INSC: variants seen among roughly 807,000 people sequenced by gnomAD.
INSC encodes INSC spindle orientation adaptor protein, also known as protein inscuteable homolog.
A neutral mutation model predicts 58.6 loss-of-function variants in INSC; 67 were observed. The ratio of observed to expected loss-of-function variants is 1.14; its 90% CI spans 0.94 to 1.40. The LOEUF (loss-of-function observed/expected upper bound fraction) is 1.40, where lower values mean the gene tolerates loss of function less well. Ranked by LOEUF, INSC falls within the 40% of genes most tolerant of loss-of-function variation. INSC has a pLI of 0.00. For missense variants in INSC, 714 were observed against 692.0 expected (o/e 1.03, Z -0.36); for synonymous variants, 262 against 276.1 (o/e 0.95, Z 0.51).
intron 7 of INSC, among the ~76,000 whole-genome samples, chr11:15,201,906 A>C (rs1011892329): frequency 3.3e-5 from 5 of 152,112 alleles, no homozygotes; most frequent in Non-Finnish European, 1.5e-5. Flanking sequence ...TGGCAGCCCA[A>C]ATAACTCCAC....
upstream of INSC, among the ~76,000 whole-genome samples, chr11:15,113,119 C>CTTTCTT (rs1554899333): frequency 6.8e-4 from 50 of 73,290 alleles, 1 homozygote; most frequent in Admixed American, 3.3e-3. Context: ...TTCTCTCTCT[C>CTTTCTT]TCTTTCTTTC....
Position 15,235,083 on chromosome 11 carries a change from C to A in INSC, c.1171-519C>A, listed in dbSNP as rs190202197. On this transcript the variant is annotated intron_variant, in intron 9 of 12. Coordinates refer to ENST00000379556, the MANE Select transcript of INSC (RefSeq NM_001042536.3). Reference sequence around the variant, plus strand: ...CCATGTAATACCCAATGCTTGATAACGCTGCCTCTTCCTACTCATGCCCTC... The same window carrying A: ...CCATGTAATACCCAATGCTTGATAAAGCTGCCTCTTCCTACTCATGCCCTC... The A allele has an allele frequency of 2.7e-3, 489 of 181,756 alleles. 10 individuals are homozygous for A. The highest frequency in any genetic ancestry group is 0.023 in the Admixed American group (433 of 18,844). 11.3% of individuals were successfully genotyped at this position (181,756 alleles called of 1,614,324 possible).
chr11:15,167,520 G>T (rs999437355), intron 2 of INSC, among the ~76,000 whole-genome samples: 3 of 151,926 alleles, frequency 2.0e-5, no homozygotes, highest in Non-Finnish European at 4.4e-5. Context: ...TAGTGCAGTG[G>T]CACCATAATA....
At chr11:15,177,252 GA>G (rs1849605421) in intron 4 of INSC, 89 bp downstream of exon 4, 4 of 964,726 alleles carry the variant, frequency 4.1e-6, no homozygotes, top group Admixed American at 1.8e-5. Flanking sequence ...GGGAGAATGG[GA>G]ATGGGAGGCG....
At chr11:15,127,151 T>G (rs1362790775) in intron 1 of INSC, among the ~76,000 whole-genome samples, 1 of 152,130 alleles carries the variant, frequency 6.6e-6, no homozygotes, top group Non-Finnish European at 1.5e-5. Context: ...ACAGGGAGAT[T>G]AACAGCCTCA....
Position 15,127,786 on chromosome 11 carries a change from A to G in INSC, c.-46+12783A>G, listed in dbSNP as rs576716368. 3.3e-5 allele frequency among the ~76,000 whole-genome samples: 5 copies of G among 152,220 alleles called. No individual in the cohort carries two copies. The East Asian group carries it at 9.7e-4, about 29-fold the overall frequency. On this transcript the variant is annotated intron_variant, in intron 1 of 12. Coordinates refer to ENST00000379556, the MANE Select transcript of INSC (RefSeq NM_001042536.3). Reference sequence around the variant, plus strand: ...TGGATGGGTGAAATTCTAGAGGGAGACTAGAGAGAACTTGAGTTCACAACA... The same window carrying G: ...TGGATGGGTGAAATTCTAGAGGGAGGCTAGAGAGAACTTGAGTTCACAACA...
At chr11:15,196,856 C>G (rs1564897493) in intron 6 of INSC, among the ~76,000 whole-genome samples, 2 of 152,200 alleles carry the variant, frequency 1.3e-5, no homozygotes, top group Non-Finnish European at 2.9e-5. Flanking sequence ...AAGTCCAAAG[C>G]TAGTAAGGGA....
At chr11:15,242,934 T>C (rs1852413661) in intron 12 of INSC, among the ~76,000 whole-genome samples, 1 of 152,210 alleles carries the variant, frequency 6.6e-6, no homozygotes, top group Non-Finnish European at 1.5e-5. Flanking sequence ...ACCATCTTGT[T>C]CCAAGCCATG....
At chr11:15,209,905 A>T (rs1281228933) in intron 7 of INSC, among the ~76,000 whole-genome samples, 3 of 152,136 alleles carry the variant, frequency 2.0e-5, no homozygotes, top group Admixed American at 6.5e-5. Context: ...GGGAGTATAA[A>T]CATCATAGGG....
At chr11:15,120,385 G>C (rs1483067004) in intron 1 of INSC, among the ~76,000 whole-genome samples, 3 of 152,144 alleles carry the variant, frequency 2.0e-5, no homozygotes, top group Non-Finnish European at 4.4e-5. Flanking sequence ...ATCAAATCAG[G>C]TACTAGAGGC....
At chr11:15,220,231 G>A (rs754341706) in intron 7 of INSC, among the ~76,000 whole-genome samples, 1 of 152,216 alleles carries the variant, frequency 6.6e-6, no homozygotes. Context: ...CAGGTCTGTG[G>A]CAGGTGTAGG....
chr11:15,255,330 T>C, the INSC span, among the ~76,000 whole-genome samples: 1 of 152,190 alleles, frequency 6.6e-6, no homozygotes, highest in South Asian at 2.1e-4. Flanking sequence ...CAGTCATAGA[T>C]ATGAAAATTA....
rs78454535 is a variant in INSC at position 15,128,265 on chromosome 11, A to G, written c.-46+13262A>G. ...GCTGATTTTTCACTTTGCCTGAATT[A>G]TATCTTTCACTCCTTTGGTCTTTTA... On this transcript the variant is annotated intron_variant, in intron 1 of 12. Coordinates refer to ENST00000379556, the MANE Select transcript of INSC (RefSeq NM_001042536.3). Among the ~76,000 whole-genome samples, 948 of 152,284 alleles carry G rather than the reference A, an allele frequency of 6.2e-3. 10 individuals carry two copies. The highest frequency in any genetic ancestry group is 0.021 in the African/African-American group (881 of 41,542).
intron 2 of INSC, among the ~76,000 whole-genome samples, chr11:15,164,925 T>C (rs758822343): frequency 4.6e-5 from 7 of 152,206 alleles, no homozygotes; most frequent in Non-Finnish European, 1.0e-4. Context: ...GCCTTTCGCC[T>C]TCTGCTATGA....
At chr11:15,186,921 G>C (rs1415597710) in intron 5 of INSC, among the ~76,000 whole-genome samples, 1 of 152,074 alleles carries the variant, frequency 6.6e-6, no homozygotes, top group African/African-American at 2.4e-5. Flanking sequence ...ATGATTTTAA[G>C]GGTCAGTAAT....
intron 5 of INSC, among the ~76,000 whole-genome samples, chr11:15,180,640 G>A (rs1312199146): frequency 3.7e-5 from 5 of 136,444 alleles, no homozygotes; most frequent in Admixed American, 1.8e-4. Context: ...CTCCTGCCCT[G>A]TTAGAGTGGG....
At chr11:15,148,130 G>A (rs1310118310) in intron 1 of INSC, among the ~76,000 whole-genome samples, 2 of 152,218 alleles carry the variant, frequency 1.3e-5, no homozygotes, top group African/African-American at 4.8e-5. Context: ...GAGGCACAGG[G>A]AAGCCAGTTG....
At chr11:15,201,612 C>A (rs1396804398) in intron 7 of INSC, among the ~76,000 whole-genome samples, 1 of 152,214 alleles carries the variant, frequency 6.6e-6, no homozygotes, top group African/African-American at 2.4e-5. Context: ...TGCGCCTCTA[C>A]TTAGACATGA....
chr11:15,125,030 T>C (rs1847958957), intron 1 of INSC, among the ~76,000 whole-genome samples: 1 of 152,158 alleles, frequency 6.6e-6, no homozygotes, highest in Non-Finnish European at 1.5e-5. Context: ...CAGGGTACTA[T>C]ACACCATAAA....
Sources: gnomAD v4.1 joint callset for allele counts (sites outside exome capture counted in the v4.1 genomes callset) on GRCh38, gnomAD v4.1.1 for gene constraint, MANE v1.5 for transcripts, NCBI Gene and HGNC (gene_info 2026-07-23, HGNC 2026-07-21) for gene names.